Variants in AKR1B1 observed in about 807,000 individuals in gnomAD.
The protein encoded by AKR1B1 is aldo-keto reductase family 1 member B1.
AKR1B1 carries 22 observed loss-of-function variants against 40.4 expected under a neutral mutation model. The ratio of observed to expected loss-of-function variants is 0.54; its 90% CI spans 0.39 to 0.78. AKR1B1 has a LOEUF of 0.78. Among genes scored for constraint, AKR1B1 ranks in the 30% least tolerant of loss-of-function variants. AKR1B1 has a pLI of 0.00. For synonymous variants in AKR1B1, 157 were observed against 149.9 expected (o/e 1.05, Z -0.35); for missense variants, 357 against 396.7 (o/e 0.90, Z 0.85).
At chr7:134,448,896 C>T in intron 5 of AKR1B1, 101 bp downstream of exon 5, 5 of 1,442,904 alleles carry the variant, frequency 3.5e-6, no homozygotes, top group Non-Finnish European at 4.9e-6. Flanking sequence ...CCAGGAGCTG[C>T]CTCCTGGCCA....
chr7:134,449,995 G>T (rs1223994831), intron 3 of AKR1B1, among the ~76,000 whole-genome samples, 198 bp from the exon 4 acceptor site: 2 of 152,196 alleles, frequency 1.3e-5, no homozygotes, highest in Non-Finnish European at 2.9e-5. Context: ...CTGTCAGACG[G>T]AGACATGGAC....
At position 134,445,123 on chromosome 7, in the gene AKR1B1, G is replaced by A. The variant is rs935932233; in HGVS notation, c.908+115C>T. 27 of 946,610 alleles carry A rather than the reference G, an allele frequency of 2.9e-5. No homozygotes were observed. The African/African-American group carries it at 2.9e-4, about 10-fold the overall frequency. 58.6% of individuals were successfully genotyped at this position (946,610 alleles called of 1,614,324 possible). ...CTGAGAAAGCAAGGTAATGTGCAAA[G>A]CAAGAACAGCTGTGACGAGAGCACA... is the stretch of plus-strand genomic sequence containing the variant. On this transcript the variant is annotated intron_variant, in intron 9 of 9. Coordinates refer to ENST00000285930, the MANE Select transcript of AKR1B1 (RefSeq NM_001628.4).
In AKR1B1 at chr7:134,442,533, G is replaced by A. The variant is rs1052470989; in HGVS notation, c.*195C>T. On this transcript the variant is annotated 3_prime_UTR_variant, in exon 10 of 10. Coordinates refer to ENST00000285930, the MANE Select transcript of AKR1B1 (RefSeq NM_001628.4). ...CCAGCAGGGTAGAAAGAAGGGCAAA[G>A]CAAACTGGAAGAGACTTCTACTCTA... The A allele has an allele frequency of 6.9e-6, 4 of 577,004 alleles. No homozygotes were observed. Among genetic ancestry groups the A allele is most frequent in the African/African-American group, 5.6e-5 (3 of 53,148 alleles). 35.7% of individuals were successfully genotyped at this position (577,004 alleles called of 1,614,324 possible).
chr7:134,443,306 G>T (rs1023308195), intron 9 of AKR1B1, among the ~76,000 whole-genome samples: 1 of 152,140 alleles, frequency 6.6e-6, no homozygotes, highest in African/African-American at 2.4e-5. Context: ...CCAGCTACTT[G>T]GGAGGCTGAG....
chr7:134,458,737 C>T (rs2117470433), intron 1 of AKR1B1, among the ~76,000 whole-genome samples: 1 of 152,250 alleles, frequency 6.6e-6, no homozygotes, highest in South Asian at 2.1e-4. Context: ...CGCGGTAGGG[C>T]GGGGGCTCCC....
In AKR1B1 at chr7:134,442,735, T is replaced by C. The variant is rs1274552433; in HGVS notation, c.944A>G (p.Glu315Gly). 1.2e-5 allele frequency: 20 copies of C among 1,613,978 alleles called. No individual in the cohort carries two copies. Among genetic ancestry groups the C allele is most frequent in the Non-Finnish European group, 1.7e-5 (20 of 1,179,984 alleles). ...GAGCAGGCAACCACAGCTTCAAAACTCTTCATGGAAGGGGTAATCCTTGTG... is the reference window on the plus strand; with the variant it reads ...GAGCAGGCAACCACAGCTTCAAAACCCTTCATGGAAGGGGTAATCCTTGTG... ...TSHKDYPFHEEF is the reference protein window; with the variant it reads ...TSHKDYPFHEGF Residue 315 changes from glutamate to glycine, a missense_variant, in exon 10 of 10, where the codon GAG becomes GGG. Glu to Gly is a moderately conservative substitution (Grantham distance 98, BLOSUM62 -2). Coordinates refer to ENST00000285930, the MANE Select transcript of AKR1B1 (RefSeq NM_001628.4).
intron 9 of AKR1B1, chr7:134,444,778 G>A (rs2117446203): frequency 4.3e-6 from 1 of 229,996 alleles, no homozygotes; most frequent in South Asian, 7.2e-5. Flanking sequence ...CAGAGGGAGG[G>A]CCTGTTTTGG....
In AKR1B1 at chr7:134,451,057, C is replaced by G. The variant is rs889514668; in HGVS notation, c.235-155G>C. On this transcript the variant is annotated intron_variant, in intron 2 of 9. Coordinates refer to ENST00000285930, the MANE Select transcript of AKR1B1 (RefSeq NM_001628.4). Reference sequence around the variant, plus strand: ...ATTTCCACTGCGTACTGGATCCTAACTTTCCAAAGGCAGGCAGGATGACCA... The same window carrying G: ...ATTTCCACTGCGTACTGGATCCTAAGTTTCCAAAGGCAGGCAGGATGACCA... 3 of 713,794 alleles carry G rather than the reference C, an allele frequency of 4.2e-6. No individual in the cohort carries two copies. In the African/African-American group the frequency reaches 5.2e-5, roughly 12 times the overall value. 44.2% of individuals were successfully genotyped at this position (713,794 alleles called of 1,614,324 possible).
At chr7:134,445,080 C>A (rs1806053494) in intron 9 of AKR1B1, 158 bp downstream of exon 9, 11 of 720,584 alleles carry the variant, frequency 1.5e-5, no homozygotes, top group South Asian at 1.5e-4. Flanking sequence ...TGCAGTTCAG[C>A]TGATGCAAGT....
chr7:134,449,400 CACGGTGA>C (rs1806212888), intron 4 of AKR1B1: 1 of 563,506 alleles, frequency 1.8e-6, no homozygotes, highest in South Asian at 2.0e-5. Flanking sequence ...TCCTGGCTAA[CACGGTGA>C]AACCCCGTCT....
At chr7:134,446,605 G>A (rs959156101) in intron 8 of AKR1B1, among the ~76,000 whole-genome samples, 3 of 144,352 alleles carry the variant, frequency 2.1e-5, no homozygotes, top group Non-Finnish European at 4.6e-5. Context: ...CCACACCCCC[G>A]CCACCAATGC....
Position 134,447,959 on chromosome 7 carries a change from C to A in AKR1B1, c.741+21G>T, listed in dbSNP as rs552052248. ...AATGCAGGCAGTTGTGGACGGTCAG[C>A]AACACCTGAAGTGGCTGTACCTGGG... On this transcript the variant is annotated intron_variant, in intron 7 of 9. Coordinates refer to ENST00000285930, the MANE Select transcript of AKR1B1 (RefSeq NM_001628.4). 21 of 1,604,364 alleles carry A rather than the reference C, an allele frequency of 1.3e-5. No homozygotes were observed. In the Admixed American group the frequency reaches 1.5e-4, roughly 12 times the overall value.
chr7:134,454,577 T>C (rs962932554), intron 1 of AKR1B1, among the ~76,000 whole-genome samples: 3 of 152,240 alleles, frequency 2.0e-5, no homozygotes, highest in Non-Finnish European at 2.9e-5. Context: ...ACAGTGTTTA[T>C]GGTAAAACCA....
In AKR1B1 at chr7:134,445,297, G is replaced by T. The variant is rs995091941; in HGVS notation, c.849C>A (p.Ser283Arg). ...AGCTGAGTAAGGTGGTCATATCCTG[G>T]CTGCTCAGTTCAAAGTCAAAGACCT... ...NFKVFDFELS[S>R]QDMTTLLSYN... is the part of the protein sequence containing the mutation. Residue 283 changes from serine (S) to arginine (R), a missense_variant, in exon 9 of 10, where the codon AGC becomes AGA. Coordinates refer to ENST00000285930, the MANE Select transcript of AKR1B1 (RefSeq NM_001628.4). 2.5e-6 allele frequency: 4 copies of T among 1,613,098 alleles called. No homozygotes were observed. Among genetic ancestry groups the T allele is most frequent in the Admixed American group, 1.7e-5 (1 of 59,908 alleles).
intron 8 of AKR1B1, among the ~76,000 whole-genome samples, chr7:134,446,704 G>T (rs2269068): frequency 1.3e-5 from 2 of 152,074 alleles, no homozygotes; most frequent in South Asian, 2.1e-4. Context: ...TCCTGACACA[G>T]GTCTAGGCTC....
intron 8 of AKR1B1, among the ~76,000 whole-genome samples, 178 bp from the exon 9 acceptor site, chr7:134,445,498 T>C (rs2117447159): frequency 6.6e-6 from 1 of 152,332 alleles, no homozygotes; most frequent in African/African-American, 2.4e-5. Context: ...CTAGATAATA[T>C]ATGGAACGAT....
At chr7:134,451,360 C>T in intron 2 of AKR1B1, 1 of 626,220 alleles carries the variant, frequency 1.6e-6, no homozygotes, top group Admixed American at 2.4e-5. Context: ...TCAGCCTCAT[C>T]AGCACGGGAC....
intron 4 of AKR1B1, chr7:134,449,415 T>C (rs1363923080): frequency 4.7e-5 from 26 of 555,630 alleles, no homozygotes; most frequent in East Asian, 2.5e-4. Flanking sequence ...TGAAACCCCG[T>C]CTCTACTAAA....
At chr7:134,447,898 A>C in intron 7 of AKR1B1, 82 bp downstream of exon 7, 1 of 1,212,444 alleles carries the variant, frequency 8.2e-7, no homozygotes, top group Non-Finnish European at 1.2e-6. Context: ...TAACAGGCTC[A>C]GTCACTTCCT....
Sources: gnomAD v4.1 joint callset for allele counts (sites outside exome capture counted in the v4.1 genomes callset) on GRCh38, gnomAD v4.1.1 for gene constraint, MANE v1.5 for transcripts, NCBI Gene and HGNC (gene_info 2026-07-23, HGNC 2026-07-21) for gene names.